ELMO1: variants seen among roughly 807,000 people sequenced by gnomAD.
ELMO1 encodes engulfment and cell motility protein 1.
Under a neutral mutation model 98.9 loss-of-function variants are expected in ELMO1, and 26 were observed. The ratio of observed to expected loss-of-function variants is 0.26; its 90% CI spans 0.19 to 0.36. ELMO1 has a LOEUF of 0.36. Among genes scored for constraint, ELMO1 ranks in the 10% least tolerant of loss-of-function variants. The probability of loss-of-function intolerance (pLI) is 1.00; values close to 1 mark genes in which losing one functional copy is unlikely to be tolerated. For synonymous variants in ELMO1, 346 were observed against 346.0 expected (o/e 1.00, Z 0.00); for missense variants, 627 against 935.2 (o/e 0.67, Z 4.30).
chr7:37,087,725 C>T (rs1489782278), intron 15 of ELMO1, among the ~76,000 whole-genome samples: 1 of 152,022 alleles, frequency 6.6e-6, no homozygotes, highest in Non-Finnish European at 1.5e-5. Context: ...TTTCATTTTA[C>T]TTTTTATTTG....
chr7:36,980,830 C>T (rs979064004), intron 16 of ELMO1, among the ~76,000 whole-genome samples: 3 of 152,140 alleles, frequency 2.0e-5, no homozygotes, highest in Non-Finnish European at 2.9e-5. Context: ...AGCAGATACA[C>T]AAAGCAATTC....
chr7:36,965,441 T>C (rs1789337862), intron 16 of ELMO1, among the ~76,000 whole-genome samples: 1 of 152,204 alleles, frequency 6.6e-6, no homozygotes, highest in Non-Finnish European at 1.5e-5. Context: ...GTTTTCGGAC[T>C]CAGCTATGGG....
intron 13 of ELMO1, among the ~76,000 whole-genome samples, chr7:37,182,438 G>GATC (rs980502780): frequency 2.8e-5 from 4 of 143,732 alleles, no homozygotes; most frequent in African/African-American, 1.0e-4. Flanking sequence ...AACATAGGAA[G>GATC]ATCATGAGTG....
intron 16 of ELMO1, among the ~76,000 whole-genome samples, chr7:36,909,057 T>C (rs74628977): frequency 0.024 from 3,615 of 152,330 alleles, 149 homozygotes; most frequent in African/African-American, 0.082. Flanking sequence ...GTTCTGTAAT[T>C]AGAAAGCATA....
At chr7:36,892,763 G>A (rs80276249) in intron 17 of ELMO1, among the ~76,000 whole-genome samples, 2,949 of 152,202 alleles carry the variant, frequency 0.019, 37 homozygotes, top group Non-Finnish European at 0.031. Flanking sequence ...TATCAAACTG[G>A]TCCCTGGCCC....
intron 15 of ELMO1, among the ~76,000 whole-genome samples, chr7:37,058,353 G>T (rs1796498762): frequency 1.3e-5 from 2 of 152,130 alleles, no homozygotes; most frequent in Non-Finnish European, 2.9e-5. Context: ...GCTAGCTTAT[G>T]ATATTTTCAT....
chr7:37,381,910 TA>T (rs551965122), intron 1 of ELMO1, among the ~76,000 whole-genome samples: 201 of 152,226 alleles, frequency 1.3e-3, no homozygotes, highest in African/African-American at 4.5e-3. Flanking sequence ...TAAAATATTT[TA>T]AATTATATAC....
intron 4 of ELMO1, among the ~76,000 whole-genome samples, chr7:37,298,481 G>A (rs1303994137): frequency 7.1e-6 from 1 of 141,598 alleles, no homozygotes; most frequent in East Asian, 2.1e-4. Flanking sequence ...AGTCCCCAGA[G>A]TGTGATATTC....
intron 15 of ELMO1, among the ~76,000 whole-genome samples, chr7:37,060,485 T>A (rs1157604516): frequency 6.6e-6 from 1 of 151,946 alleles, no homozygotes; most frequent in African/African-American, 2.4e-5. Flanking sequence ...AAGAGGAGAA[T>A]AACAGACACT....
rs561199061 is a variant in ELMO1, at chr7:37,382,857, C to T, written c.-73-40094G>A. Among the ~76,000 whole-genome samples the T allele has an allele frequency of 3.1e-4, 47 of 152,120 alleles. 2 individuals are homozygous for T. Among genetic ancestry groups the T allele is most frequent in the African/African-American group, 1.0e-3 (42 of 41,494 alleles). Reference sequence around the variant, plus strand: ...TATGCATGCTGCATGTACTAATAAACTTCTGTTTGCTATCTCTTGTTAATC... The same window carrying T: ...TATGCATGCTGCATGTACTAATAAATTTCTGTTTGCTATCTCTTGTTAATC... On this transcript the variant is annotated intron_variant, in intron 1 of 21. Coordinates refer to ENST00000310758, the MANE Select transcript of ELMO1 (RefSeq NM_014800.11).
At chr7:37,034,308 A>T (rs13230570) in intron 15 of ELMO1, among the ~76,000 whole-genome samples, 2 of 152,036 alleles carry the variant, frequency 1.3e-5, no homozygotes, top group African/African-American at 4.8e-5. Flanking sequence ...ATTTGAAGAC[A>T]CACGAGAATA....
intron 5 of ELMO1, among the ~76,000 whole-genome samples, chr7:37,266,070 C>T (rs1308715870): frequency 3.9e-5 from 6 of 152,160 alleles, no homozygotes; most frequent in Non-Finnish European, 5.9e-5. Flanking sequence ...CCCTGGCCGC[C>T]CCTGCAATCT....
At chr7:37,316,252 A>G (rs530993135) in intron 2 of ELMO1, among the ~76,000 whole-genome samples, 11 of 152,344 alleles carry the variant, frequency 7.2e-5, no homozygotes, top group African/African-American at 2.6e-4. Flanking sequence ...GGGTGAAAAT[A>G]TAACTTTGTT....
At chr7:37,379,782 C>T (rs555657764) in intron 1 of ELMO1, among the ~76,000 whole-genome samples, 4 of 152,278 alleles carry the variant, frequency 2.6e-5, no homozygotes, top group African/African-American at 9.6e-5. Context: ...TGATTTACAA[C>T]CCAGGCCACC....
chr7:36,962,525 T>C (rs976560095), intron 16 of ELMO1, among the ~76,000 whole-genome samples: 2 of 152,048 alleles, frequency 1.3e-5, no homozygotes, highest in Non-Finnish European at 2.9e-5. Flanking sequence ...GGGAAGAAGG[T>C]AAGCATGAGA....
chr7:36,994,024 A>G (rs1251071791), intron 16 of ELMO1, among the ~76,000 whole-genome samples: 6 of 152,216 alleles, frequency 3.9e-5, no homozygotes, highest in Non-Finnish European at 8.8e-5. Context: ...ACACAAAAAA[A>G]TCCCAGTGGG....
At chr7:36,976,542 C>T (rs1480135544) in intron 16 of ELMO1, among the ~76,000 whole-genome samples, 4 of 152,134 alleles carry the variant, frequency 2.6e-5, no homozygotes, top group East Asian at 1.9e-4. Flanking sequence ...CCATTGGGAA[C>T]GCATCTCTTA....
intron 1 of ELMO1, among the ~76,000 whole-genome samples, chr7:37,365,284 G>A (rs562417811): frequency 2.0e-5 from 3 of 152,246 alleles, no homozygotes; most frequent in South Asian, 2.1e-4. Context: ...GCTGAGCACC[G>A]ATCAATTCCC....
intron 1 of ELMO1, among the ~76,000 whole-genome samples, chr7:37,383,976 C>A (rs986110570): frequency 3.3e-5 from 5 of 152,072 alleles, no homozygotes; most frequent in South Asian, 2.1e-4. Context: ...CCACCGCGCC[C>A]GGCTAATTTT....
Sources: allele counts gnomAD v4.1 joint callset (sites outside exome capture counted in the v4.1 genomes callset), GRCh38; gene constraint gnomAD v4.1.1; transcripts MANE v1.5; gene names NCBI Gene and HGNC (gene_info 2026-07-23, HGNC 2026-07-21).